Variants in DNASE1L1 observed in about 807,000 individuals in gnomAD.
The protein encoded by DNASE1L1 is deoxyribonuclease 1 like 1.
A neutral mutation model predicts 18.6 loss-of-function variants in DNASE1L1; 8 were observed. The observed-to-expected ratio is 0.43, with a 90% confidence interval of 0.25 to 0.78. The LOEUF (loss-of-function observed/expected upper bound fraction) is 0.78, where lower values mean the gene tolerates loss of function less well. Among genes scored for constraint, DNASE1L1 ranks in the 30% least tolerant of loss-of-function variants. The pLI is 0.23. For synonymous variants in DNASE1L1, 114 were observed against 114.2 expected, an observed-to-expected ratio of 1.00 and a Z score of 0.01; for missense variants, 214 against 258.2, an observed-to-expected ratio of 0.83 and a Z score of 1.17.
In DNASE1L1 at chrX:154,403,019, C is replaced by G; in HGVS notation, c.697G>C (p.Gly233Arg). The stretch of plus-strand genomic sequence containing the variant: ...TGCAGCAGACTCCGGCAGCGCTCCC[C>G]GTGCAGCACGACGCGGTCATAGGTG... ...HCTYDRVVLH[G>R]ERCRSLLHTA... Residue 233 changes from glycine (G) to arginine (R), a missense_variant, in exon 7 of 8, where the codon GGG (glycine) becomes CGG (arginine). Coordinates refer to ENST00000369807, the MANE Select transcript of DNASE1L1 (RefSeq NM_001303620.2). 1 of 1,211,746 alleles carries G rather than the reference C, an allele frequency of 8.3e-7. No individual in the cohort carries two copies. Among genetic ancestry groups the G allele is most frequent in the South Asian group, 1.8e-5 (1 of 57,023 alleles).
At chrX:154,404,074 C>T (rs2068101218) in intron 4 of DNASE1L1, among the ~76,000 whole-genome samples, 1 of 110,048 alleles carries the variant, frequency 9.1e-6, no homozygotes, top group Non-Finnish European at 1.9e-5. Flanking sequence ...GTGCTTCATT[C>T]CTCTTTCTGG....
chrX:154,401,888 CCCAG>C lies in DNASE1L1; in HGVS notation c.*815_*818del, dbSNP rs2068046873. Reference sequence around the variant, plus strand: ...AGTTAACACATGACCCTTCTAGCGTCCCAGCCAGTGTTTTTCCTGACCTCTCTTC... The same window carrying C: ...AGTTAACACATGACCCTTCTAGCGTCCCAGTGTTTTTCCTGACCTCTCTTC... On this transcript the variant is annotated 3_prime_UTR_variant, in exon 8 of 8. Transcript: ENST00000369807. The C allele has an allele frequency of 8.9e-6, 1 of 112,055 alleles. No individual in the cohort carries two copies. The highest frequency in any genetic ancestry group is 1.9e-5 in the Non-Finnish European group (1 of 53,207). 9.2% of individuals were successfully genotyped at this position (112,055 alleles called of 1,213,427 possible).
chrX:154,403,244 TC>T (rs1240797499), intron 6 of DNASE1L1, 24 bp downstream of exon 6: 1 of 1,209,059 alleles, frequency 8.3e-7, no homozygotes, highest in Non-Finnish European at 1.1e-6. Context: ...TCCTTGTCCC[TC>T]CTGTACAAAC....
At chrX:154,410,597 C>T (rs972644175), upstream of DNASE1L1, among the ~76,000 whole-genome samples, 84 of 109,876 alleles carry the variant, frequency 7.6e-4, no homozygotes, top group Non-Finnish European at 1.3e-3. Flanking sequence ...CTGCCGGGTG[C>T]GGTGGCCCAT....
upstream of DNASE1L1, chrX:154,411,392 CA>C: frequency 5.1e-6 from 1 of 197,567 alleles, no homozygotes; most frequent in Non-Finnish European, 9.4e-6. Flanking sequence ...ACTAGAGAGA[CA>C]AAAGGCGAGC....
chrX:154,404,102 G>T (rs782482786), intron 4 of DNASE1L1, among the ~76,000 whole-genome samples: 1 of 108,479 alleles, frequency 9.2e-6, no homozygotes, highest in South Asian at 4.0e-4. Flanking sequence ...ATATTCCACG[G>T]ACTGGGTATA....
rs782404891 is a variant in DNASE1L1, at chrX:154,404,797, C to G, written c.311+31G>C. On this transcript the variant is annotated intron_variant, in intron 4 of 7. Coordinates refer to ENST00000369807, the MANE Select transcript of DNASE1L1 (RefSeq NM_001303620.2). ...CACATTAGGGCCAAGGACCGCCCCC[C>G]ACCCTGCTGCGCTGCCAGCTCCGTG... 25 of 1,192,102 alleles carry G rather than the reference C, an allele frequency of 2.1e-5. No individual in the cohort carries two copies. In the South Asian group the frequency reaches 2.7e-4, roughly 13 times the overall value.
Position 154,403,326 on chromosome X carries a change from C to T in DNASE1L1, c.468G>A (p.Lys156=). 2.5e-6 allele frequency: 3 copies of T among 1,211,623 alleles called. No individual in the cohort carries two copies. Among genetic ancestry groups the T allele is most frequent in the Middle Eastern group, 2.3e-4 (1 of 4,356 alleles). ...PLHTTPKAVE[K]ELNALYDVFL... is the part of the protein sequence containing the mutation. ...ACACATCGTAGAGGGCGTTCAGCTC[C>T]TTCTCTACGGCCTTAGGAGTGGTGT... is the stretch of plus-strand genomic sequence containing the variant. Residue 156 remains lysine, a synonymous_variant, in exon 6 of 8, where the codon AAG becomes AAA. Transcript: ENST00000369807.
chrX:154,411,617 C>T, upstream of DNASE1L1: 1 of 461,259 alleles, frequency 2.2e-6, no homozygotes, highest in East Asian at 4.5e-5. Flanking sequence ...CGCCCACGGC[C>T]TGTGACCCCG....
At chrX:154,405,772 C>CAA in intron 1 of DNASE1L1, 117 bp from the exon 2 acceptor site, 30 of 241,545 alleles carry the variant, frequency 1.2e-4, no homozygotes, top group Non-Finnish European at 1.9e-4. Flanking sequence ...ACTCTGTCTC[C>CAA]AAAAAAAAAA....
chrX:154,408,073 C>T (rs180678949), intron 1 of DNASE1L1, among the ~76,000 whole-genome samples: 3 of 109,992 alleles, frequency 2.7e-5, no homozygotes, highest in East Asian at 5.7e-4. Context: ...GCTAGGATTA[C>T]AGGCACGTGC....
chrX:154,411,898 C>A (rs1327665804), upstream of DNASE1L1: 7 of 1,206,219 alleles, frequency 5.8e-6, no homozygotes, highest in Non-Finnish European at 7.8e-6. Flanking sequence ...CACCTGGACC[C>A]TGGCCAGCAG....
chrX:154,412,039 G>T, upstream of DNASE1L1: 2 of 1,207,843 alleles, frequency 1.7e-6, no homozygotes, highest in Non-Finnish European at 2.2e-6. Context: ...CCGCGGCCCC[G>T]ACCTAGCGGG....
At chrX:154,406,391 C>G (rs1374426900) in intron 1 of DNASE1L1, among the ~76,000 whole-genome samples, 2 of 83,080 alleles carry the variant, frequency 2.4e-5, no homozygotes, top group African/African-American at 1.0e-4. Context: ...TTTTTTGAGA[C>G]GGAGTTTCGC....
chrX:154,402,539 C>T lies in DNASE1L1; in HGVS notation c.*168G>A. On this transcript the variant is annotated 3_prime_UTR_variant, in exon 8 of 8. Coordinates refer to ENST00000369807, the MANE Select transcript of DNASE1L1 (RefSeq NM_001303620.2). Reference sequence around the variant, plus strand: ...CCCTGGCTTCCTCTCCTAATCTAGGCACAAGCCCAACCAAAGAACAAGAGC... The same window carrying T: ...CCCTGGCTTCCTCTCCTAATCTAGGTACAAGCCCAACCAAAGAACAAGAGC... The T allele has an allele frequency of 1.9e-6, 1 of 517,431 alleles. No homozygotes were observed. The highest frequency in any genetic ancestry group is 3.3e-5 in the South Asian group (1 of 30,092). The allele number at this position is 517,431 out of a possible 1,213,427, so 42.6% of individuals were successfully genotyped here.
At chrX:154,403,419 T>C (rs1186422954) in intron 5 of DNASE1L1, 38 bp from the exon 6 acceptor site, 1 of 1,201,399 alleles carries the variant, frequency 8.3e-7, no homozygotes, top group Non-Finnish European at 1.1e-6. Context: ...CATCCACTCC[T>C]GGACCTTCTC....
At chrX:154,403,943 C>G (rs1454854988) in intron 4 of DNASE1L1, among the ~76,000 whole-genome samples, 1 of 110,577 alleles carries the variant, frequency 9.0e-6, no homozygotes, top group African/African-American at 3.3e-5. Flanking sequence ...TCCCCTCCCC[C>G]CAGCCCCTGC....
At chrX:154,406,517 G>A (rs1264225609) in intron 1 of DNASE1L1, among the ~76,000 whole-genome samples, 1 of 107,745 alleles carries the variant, frequency 9.3e-6, no homozygotes, top group Admixed American at 1.0e-4. Flanking sequence ...CTACAGGCAC[G>A]CTCCACCACG....
chrX:154,404,565 A>G (rs782742885), intron 4 of DNASE1L1, among the ~76,000 whole-genome samples: 214 of 112,167 alleles, frequency 1.9e-3, no homozygotes, highest in Middle Eastern at 4.6e-3. Flanking sequence ...CCACACCCTG[A>G]GCCCCAGCAG....
Sources: allele counts gnomAD v4.1 joint callset (sites outside exome capture counted in the v4.1 genomes callset), GRCh38; gene constraint gnomAD v4.1.1; transcripts MANE v1.5; gene names NCBI Gene and HGNC (gene_info 2026-07-23, HGNC 2026-07-21).